PRR23D2: variants seen among roughly 807,000 people sequenced by gnomAD.
PRR23D2 encodes proline rich 23 domain containing 2.
chr8:7,783,891 G>A (rs1287931028), upstream of PRR23D2, among the ~76,000 whole-genome samples: 3 of 151,010 alleles, frequency 2.0e-5, no homozygotes, highest in African/African-American at 7.3e-5. Flanking sequence ...AGCAGGTAGG[G>A]CTGTGAACAG....
chr8:7,782,245 ATCTG>A (rs1477830399), upstream of PRR23D2, among the ~76,000 whole-genome samples: 1 of 69,920 alleles, frequency 1.4e-5, no homozygotes, highest in Non-Finnish European at 2.6e-5. Context: ...CTGTGTATTA[ATCTG>A]TCTGTTAATT....
upstream of PRR23D2, among the ~76,000 whole-genome samples, chr8:7,783,373 G>A (rs1419384863): frequency 7.5e-6 from 1 of 132,944 alleles, no homozygotes; most frequent in Non-Finnish European, 1.6e-5. Context: ...CAGTGCTAGG[G>A]TAAAATTAAA....
upstream of PRR23D2, among the ~76,000 whole-genome samples, chr8:7,783,233 T>C (rs1443036850): frequency 6.6e-6 from 1 of 150,438 alleles, no homozygotes; most frequent in African/African-American, 2.4e-5. Flanking sequence ...GGATATATCC[T>C]GCAGCACAGA....
chr8:7,783,742 G>GT (rs1263233813), upstream of PRR23D2, among the ~76,000 whole-genome samples: 4 of 115,256 alleles, frequency 3.5e-5, no homozygotes, highest in South Asian at 1.5e-3. Context: ...TAAGGAATAC[G>GT]TAGATTTGTA....
At chr8:7,783,597 C>T, upstream of PRR23D2, among the ~76,000 whole-genome samples, 1 of 89,516 alleles carries the variant, frequency 1.1e-5, no homozygotes, top group African/African-American at 3.7e-5. Flanking sequence ...CGGCCACATA[C>T]TCCTTCCTCT....
chr8:7,783,139 A>G (rs1196821873), upstream of PRR23D2, among the ~76,000 whole-genome samples: 2 of 152,296 alleles, frequency 1.3e-5, no homozygotes, highest in Non-Finnish European at 2.9e-5. Context: ...CGTGCCAAAT[A>G]TATATTCTAC....
upstream of PRR23D2, among the ~76,000 whole-genome samples, chr8:7,783,660 CTCA>C (rs1306342160): frequency 9.8e-6 from 1 of 101,874 alleles, no homozygotes; most frequent in Non-Finnish European, 2.1e-5. Flanking sequence ...TGTGTTTCTC[CTCA>C]TAATGAATCC....
chr8:7,783,874 A>G (rs1437001392), upstream of PRR23D2, among the ~76,000 whole-genome samples: 3 of 150,890 alleles, frequency 2.0e-5, no homozygotes, highest in African/African-American at 7.3e-5. Context: ...AGGGAATCTC[A>G]CTCCTCAGCA....
intron 3 of PRR23D2, 58 bp from the exon 4 acceptor site, chr8:7,779,851 T>C: frequency 6.1e-6 from 1 of 162,696 alleles, no homozygotes; most frequent in Non-Finnish European, 9.3e-6. Flanking sequence ...ATGATGCTCA[T>C]GGGGAGGGAG....
chr8:7,783,905 C>T (rs1816536727), upstream of PRR23D2, among the ~76,000 whole-genome samples: 1 of 150,866 alleles, frequency 6.6e-6, no homozygotes, highest in Non-Finnish European at 1.5e-5. Flanking sequence ...TGAACAGCAG[C>T]GTTTTCCTTA....
At chr8:7,783,520 C>T (rs1391725679), upstream of PRR23D2, among the ~76,000 whole-genome samples, 5 of 78,978 alleles carry the variant, frequency 6.3e-5, no homozygotes, top group African/African-American at 2.2e-4. Flanking sequence ...TGCAGGGATG[C>T]AGAGTGCGGG....
At position 7,780,078 on chromosome 8, in the gene PRR23D2, GT is replaced by G; in HGVS notation, c.150del (p.Lys50AsnfsTer10). ...AGGTGTGGAGCTCCTGAAATTGAGG[GT>G]TTTTTTGCACCTGCAGAGAGACCAC... ...VEQGPSTGAK[K>X]PSISGAPHLN... On this transcript the variant is annotated frameshift_variant, in exon 3 of 4. Transcript: ENST00000528972. LOFTEE classifies it high-confidence loss of function. 6 of 434,620 alleles carry G rather than the reference GT, an allele frequency of 1.4e-5. No individual in the cohort carries two copies. The highest frequency in any genetic ancestry group is 1.6e-5 in the Non-Finnish European group (5 of 317,022). 26.9% of individuals were successfully genotyped at this position (434,620 alleles called of 1,614,324 possible).
chr8:7,783,351 CTT>C (rs1373984559), upstream of PRR23D2, among the ~76,000 whole-genome samples: 1 of 136,268 alleles, frequency 7.3e-6, no homozygotes, highest in Non-Finnish European at 1.6e-5. Context: ...ATGAAAATCA[CTT>C]TTAAATCTGC....
upstream of PRR23D2, among the ~76,000 whole-genome samples, chr8:7,783,179 T>A (rs1395381667): frequency 6.6e-6 from 1 of 152,276 alleles, no homozygotes; most frequent in Non-Finnish European, 1.5e-5. Flanking sequence ...ATAAACCAAA[T>A]GTTTTAATAG....
chr8:7,784,010 C>T (rs879992127), upstream of PRR23D2, among the ~76,000 whole-genome samples: 22,520 of 108,638 alleles, frequency 0.21, 1,115 homozygotes, highest in Admixed American at 0.31. Flanking sequence ...GGCGATCTGG[C>T]CCCGCTTCCG....
upstream of PRR23D2, among the ~76,000 whole-genome samples, chr8:7,783,982 G>A (rs920098115): frequency 2.1e-5 from 3 of 140,878 alleles, no homozygotes; most frequent in African/African-American, 7.5e-5. Context: ...CTGAGGAAGG[G>A]AAGTTCCCTT....
At chr8:7,782,094 T>TA (rs1182848567), upstream of PRR23D2, among the ~76,000 whole-genome samples, 18 of 66,558 alleles carry the variant, frequency 2.7e-4, no homozygotes, top group African/African-American at 3.6e-4. Flanking sequence ...TATTTTTAAA[T>TA]AAAAAAAAAT....
In PRR23D2 at chr8:7,779,803, GAC is replaced by G. The variant is rs1224912760; in HGVS notation, c.208-12_208-11del. The G allele has an allele frequency of 1.9e-5, 2 of 105,366 alleles. No individual in the cohort carries two copies. Among genetic ancestry groups the G allele is most frequent in the Non-Finnish European group, 1.4e-5 (1 of 69,792 alleles). 6.5% of individuals were successfully genotyped at this position (105,366 alleles called of 1,614,324 possible). On this transcript the variant is annotated splice_polypyrimidine_tract_variant and intron_variant, in intron 3 of 3. Transcript: ENST00000528972. ...CAGAATCCTGCTGATTCTGTGGAAA[GAC>G]AGTCCTCAGTATTCTGCCCTCCAAA...
chr8:7,784,135 G>A (rs1227718047), upstream of PRR23D2, among the ~76,000 whole-genome samples: 1 of 125,622 alleles, frequency 8.0e-6, no homozygotes, highest in Non-Finnish European at 1.8e-5. Context: ...GTTGACCTGC[G>A]TCTGTATCGC....
Sources: gnomAD v4.1 joint callset for allele counts (sites outside exome capture counted in the v4.1 genomes callset) on GRCh38, gnomAD v4.1.1 for gene constraint, MANE v1.5 for transcripts, NCBI Gene and HGNC (gene_info 2026-07-23, HGNC 2026-07-21) for gene names.